Variants in LNX1 observed in about 807,000 individuals in gnomAD.
LNX1 encodes E3 ubiquitin-protein ligase LNX.
Under a neutral mutation model 68.4 loss-of-function variants are expected in LNX1, and 54 were observed. The observed-to-expected ratio is 0.79, with a 90% CI of 0.63 to 0.99. The LOEUF is 0.99. Among genes scored for constraint, LNX1 ranks in the 50% least tolerant of loss-of-function variants. LNX1 has a pLI of 0.00. For missense variants in LNX1, 906 were observed against 926.4 expected, an observed-to-expected ratio of 0.98 and a Z score of 0.29; for synonymous variants, 336 against 350.0, an observed-to-expected ratio of 0.96 and a Z score of 0.45.
At chr4:53,577,351 A>T (rs1731558546) in intron 1 of LNX1, among the ~76,000 whole-genome samples, 1 of 152,142 alleles carries the variant, frequency 6.6e-6, no homozygotes, top group Non-Finnish European at 1.5e-5. Context: ...ATTCTTTCTC[A>T]TGATGCTGTA....
At chr4:53,551,692 G>A (rs1459771424) in intron 2 of LNX1, among the ~76,000 whole-genome samples, 1 of 152,096 alleles carries the variant, frequency 6.6e-6, no homozygotes, top group Non-Finnish European at 1.5e-5. Context: ...CCAAGTCAAA[G>A]GTCAAACCAC....
intron 6 of LNX1, among the ~76,000 whole-genome samples, chr4:53,483,311 C>T (rs779717306): frequency 1.3e-5 from 2 of 152,204 alleles, no homozygotes; most frequent in Non-Finnish European, 2.9e-5. Flanking sequence ...GTTCATTAAA[C>T]CTTTATAAAT....
chr4:53,474,774 C>CA (rs1553930362), intron 9 of LNX1, among the ~76,000 whole-genome samples: 2 of 148,798 alleles, frequency 1.3e-5, no homozygotes, highest in African/African-American at 4.9e-5. Flanking sequence ...TCTACTTCTT[C>CA]TTTTTTTTTT....
intron 2 of LNX1, among the ~76,000 whole-genome samples, chr4:53,545,287 T>C (rs568542694): frequency 1.3e-5 from 2 of 152,312 alleles, no homozygotes; most frequent in Non-Finnish European, 2.9e-5. Flanking sequence ...ACCCAATCAT[T>C]ACCCAGAAAA....
At chr4:53,582,702 ATTTTTTGT>A (rs1324413251) in intron 1 of LNX1, among the ~76,000 whole-genome samples, 4 of 151,994 alleles carry the variant, frequency 2.6e-5, no homozygotes, top group African/African-American at 9.7e-5. Context: ...TGAGCTTAAG[ATTTTTTGT>A]TTTTTTGTTT....
At chr4:53,566,110 A>G (rs1055517938) in intron 2 of LNX1, among the ~76,000 whole-genome samples, 11 of 151,992 alleles carry the variant, frequency 7.2e-5, no homozygotes, top group Non-Finnish European at 1.6e-4. Context: ...CCAATCTAGC[A>G]AGGCAGGCCA....
intron 8 of LNX1, 115 bp downstream of exon 8, chr4:53,478,450 C>G: frequency 1.1e-6 from 1 of 914,080 alleles, no homozygotes; most frequent in African/African-American, 1.7e-5. Flanking sequence ...AACAAAAGTC[C>G]TGGCCGATCA....
intron 2 of LNX1, among the ~76,000 whole-genome samples, chr4:53,551,080 G>A (rs775875823): frequency 3.3e-5 from 5 of 152,232 alleles, no homozygotes; most frequent in South Asian, 2.1e-4. Context: ...CCTAGGAGGC[G>A]GTTGGTGGTT....
At chr4:53,475,302 C>T (rs1723490873) in intron 9 of LNX1, among the ~76,000 whole-genome samples, 1 of 152,136 alleles carries the variant, frequency 6.6e-6, no homozygotes, top group Non-Finnish European at 1.5e-5. Flanking sequence ...AAAAATAAAA[C>T]TTTAAAGTCA....
chr4:53,503,546 A>G (rs1725651747), intron 4 of LNX1, among the ~76,000 whole-genome samples: 1 of 152,230 alleles, frequency 6.6e-6, no homozygotes, highest in African/African-American at 2.4e-5. Context: ...AGGCCTCAAC[A>G]GTGGGCTTAA....
chr4:53,479,096 T>G (rs929813113), intron 7 of LNX1, among the ~76,000 whole-genome samples: 1 of 152,222 alleles, frequency 6.6e-6, no homozygotes, highest in Non-Finnish European at 1.5e-5. Flanking sequence ...GAAAAAGTAT[T>G]GCTTTGTTGC....
At chr4:53,509,167 T>C (rs2412485) in intron 2 of LNX1, among the ~76,000 whole-genome samples, 146,140 of 152,268 alleles carry the variant, frequency 0.96, 70,423 homozygotes, top group East Asian at 1. Context: ...TATCTCACTC[T>C]ACTGTGGGGA....
At chr4:53,487,281 G>A (rs569248943) in intron 6 of LNX1, among the ~76,000 whole-genome samples, 5 of 152,356 alleles carry the variant, frequency 3.3e-5, no homozygotes, top group African/African-American at 1.2e-4. Context: ...TACAGGGGGA[G>A]TAAGAACTGG....
In LNX1 at chr4:53,478,714, T is replaced by C. The variant is rs1478421370; in HGVS notation, c.1514A>G (p.Glu505Gly). 2 of 1,613,904 alleles carry C rather than the reference T, an allele frequency of 1.2e-6. No homozygotes were observed. The change falls in exon 8 of 11, where the codon GAG (glutamate) becomes GGG (glycine). Residue 505 changes from glutamate to glycine, a missense_variant. Physicochemically the swap from Glu to Gly is moderately conservative, Grantham distance 98. Transcript: ENST00000263925. ...KPLHPTITCH[E>G]KVVNIQKDPG... ...GTCTTTTTGGATATTTACCACCTTC[T>C]CATGACAAGTAATTGTAGGATGGAG...
At chr4:53,488,928 C>CA (rs1724503786) in intron 6 of LNX1, among the ~76,000 whole-genome samples, 1 of 152,044 alleles carries the variant, frequency 6.6e-6, no homozygotes, top group South Asian at 2.1e-4. Flanking sequence ...TTCCAGTGAA[C>CA]AAAAGAACTT....
At chr4:53,474,710 G>A (rs554537203) in intron 9 of LNX1, among the ~76,000 whole-genome samples, 3 of 152,158 alleles carry the variant, frequency 2.0e-5, no homozygotes, top group East Asian at 3.9e-4. Flanking sequence ...TCTATGCCGG[G>A]ATATCATGCT....
At chr4:53,619,813 G>T (rs1487454290), upstream of LNX1, among the ~76,000 whole-genome samples, 4 of 152,128 alleles carry the variant, frequency 2.6e-5, no homozygotes, top group Admixed American at 1.3e-4. Flanking sequence ...TGGTTGCACC[G>T]TTTTACACAC....
chr4:53,633,865 G>A (rs557161804), intron 1 of LNX1, among the ~76,000 whole-genome samples: 8 of 152,232 alleles, frequency 5.3e-5, no homozygotes, highest in African/African-American at 1.2e-4. Flanking sequence ...TCTTAGGGCC[G>A]TGTTTCTGCA....
intron 2 of LNX1, among the ~76,000 whole-genome samples, chr4:53,567,804 T>C (rs1163383523): frequency 1.3e-5 from 2 of 152,030 alleles, no homozygotes; most frequent in Non-Finnish European, 2.9e-5. Context: ...TAAAAAATGA[T>C]AAAGGGGATA....
Sources: allele counts gnomAD v4.1 joint callset (sites outside exome capture counted in the v4.1 genomes callset), GRCh38; gene constraint gnomAD v4.1.1; transcripts MANE v1.5; gene names NCBI Gene and HGNC (gene_info 2026-07-23, HGNC 2026-07-21).